STAG1: variants seen among roughly 807,000 people sequenced by gnomAD.
The protein encoded by STAG1 is STAG1 cohesin complex component.
In STAG1, 26 loss-of-function variants were observed where a neutral mutation model predicts 170.9. The observed-to-expected ratio is 0.15, with a 90% CI of 0.11 to 0.21. The LOEUF (loss-of-function observed/expected upper bound fraction) is 0.21, where lower values mean the gene tolerates loss of function less well. STAG1 is among the 10% of genes least tolerant of loss of function. The probability of loss-of-function intolerance (pLI) is 1.00; values close to 1 mark genes in which losing one functional copy is unlikely to be tolerated. For synonymous variants in STAG1, 514 were observed against 497.7 expected (o/e 1.03, Z -0.44); for missense variants, 964 against 1,509.5 (o/e 0.64, Z 5.99).
At chr3:136,391,446 G>C (rs1351168050) in intron 22 of STAG1, among the ~76,000 whole-genome samples, 1 of 144,338 alleles carries the variant, frequency 6.9e-6, no homozygotes, top group Non-Finnish European at 1.5e-5. Context: ...GCATAATCTT[G>C]GCTCACTGCA....
intron 1 of STAG1, among the ~76,000 whole-genome samples, chr3:136,730,594 G>A (rs1043575233): frequency 6.6e-6 from 1 of 152,192 alleles, no homozygotes; most frequent in African/African-American, 2.4e-5. Flanking sequence ...ATTATAATCA[G>A]AACTATATAT....
At chr3:136,339,617 C>T (rs1329475340) in intron 32 of STAG1, among the ~76,000 whole-genome samples, 3 of 152,178 alleles carry the variant, frequency 2.0e-5, no homozygotes, top group Admixed American at 1.3e-4. Flanking sequence ...TGATTAATTT[C>T]TATGTACCCA....
intron 1 of STAG1, among the ~76,000 whole-genome samples, chr3:136,701,463 C>G (rs1224823613): frequency 6.6e-6 from 1 of 152,002 alleles, no homozygotes; most frequent in African/African-American, 2.4e-5. Context: ...AGTGCTTACC[C>G]TACACATTTT....
chr3:136,687,264 A>C (rs961858072), intron 1 of STAG1, among the ~76,000 whole-genome samples: 1 of 152,194 alleles, frequency 6.6e-6, no homozygotes, highest in Non-Finnish European at 1.5e-5. Context: ...GTGTGTATTC[A>C]TAGTTACTTG....
At chr3:136,467,259 G>C (rs911698054) in intron 12 of STAG1, among the ~76,000 whole-genome samples, 2 of 152,030 alleles carry the variant, frequency 1.3e-5, no homozygotes, top group African/African-American at 4.8e-5. Flanking sequence ...GTATTCAGGA[G>C]ACCCATCTCA....
chr3:136,338,982 T>A (rs911690179), intron 32 of STAG1, among the ~76,000 whole-genome samples: 1 of 152,160 alleles, frequency 6.6e-6, no homozygotes, highest in African/African-American at 2.4e-5. Context: ...AAAATGTGCA[T>A]GATGCTGAAG....
intron 13 of STAG1, among the ~76,000 whole-genome samples, chr3:136,464,468 GA>G (rs981584619): frequency 1.7e-4 from 26 of 151,170 alleles, no homozygotes; most frequent in Admixed American, 5.3e-4. Flanking sequence ...TGGAAAGAAT[GA>G]AAAAAAATGA....
At chr3:136,526,468 T>G (rs1219712264) in intron 6 of STAG1, among the ~76,000 whole-genome samples, 1 of 152,226 alleles carries the variant, frequency 6.6e-6, no homozygotes, top group Admixed American at 6.5e-5. Context: ...CTCCATCCCT[T>G]TATTTTGAGC....
At chr3:136,372,612 G>A (rs1000396387) in intron 23 of STAG1, among the ~76,000 whole-genome samples, 2 of 152,078 alleles carry the variant, frequency 1.3e-5, no homozygotes, top group Non-Finnish European at 2.9e-5. Context: ...TAATCATGTC[G>A]TTTTTGTCTT....
At chr3:136,389,637 G>A (rs766783321) in intron 22 of STAG1, among the ~76,000 whole-genome samples, 16 of 150,796 alleles carry the variant, frequency 1.1e-4, no homozygotes, top group Non-Finnish European at 1.9e-4. Flanking sequence ...CTCCTGCCTC[G>A]GCCTTCTGAG....
intron 10 of STAG1, among the ~76,000 whole-genome samples, chr3:136,477,005 G>C (rs2089769214): frequency 6.6e-6 from 1 of 151,948 alleles, no homozygotes. Context: ...TTCTGAATTA[G>C]AAAAAGAATA....
At chr3:136,352,670 A>G (rs1346221432) in intron 28 of STAG1, among the ~76,000 whole-genome samples, 1 of 152,166 alleles carries the variant, frequency 6.6e-6, no homozygotes, top group African/African-American at 2.4e-5. Context: ...TTTAATGGTG[A>G]GTACCTATAC....
At chr3:136,623,291 T>G (rs770756744) in intron 2 of STAG1, 43 bp from the exon 3 acceptor site, 1 of 1,565,372 alleles carries the variant, frequency 6.4e-7, no homozygotes, top group East Asian at 2.3e-5. Context: ...TTAATAAGTA[T>G]AATGCATTTC....
chr3:136,445,857 C>T (rs188507586), intron 14 of STAG1, among the ~76,000 whole-genome samples: 2 of 152,142 alleles, frequency 1.3e-5, no homozygotes, highest in African/African-American at 4.8e-5. Context: ...CTTTATCCAG[C>T]CTATTATTTA....
intron 1 of STAG1, among the ~76,000 whole-genome samples, chr3:136,704,821 CAAAAAA>C (rs67207510): frequency 1.9e-5 from 1 of 51,424 alleles, no homozygotes; most frequent in Non-Finnish European, 3.6e-5. Flanking sequence ...GTCCCTGTCT[CAAAAAA>C]AAAAAAAAAA....
chr3:136,457,218 C>A (rs529702434), intron 13 of STAG1, among the ~76,000 whole-genome samples: 1 of 152,226 alleles, frequency 6.6e-6, no homozygotes, highest in Admixed American at 6.5e-5. Flanking sequence ...GCATAAAACC[C>A]CTCGTAGCTT....
In STAG1 at chr3:136,521,299, T is replaced by C. The variant is rs1934658414; in HGVS notation, c.590A>G (p.Glu197Gly). Residue 197 changes from glutamate to glycine, a missense_variant, in exon 7 of 34, where the codon GAG becomes GGG. Physicochemically the swap from Glu to Gly is moderately conservative, Grantham distance 98. This residue lies in a region of STAG1 where 40 missense variants were observed against 44.1 expected (regional missense o/e 0.91). Coordinates refer to ENST00000383202, the MANE Select transcript of STAG1 (RefSeq NM_005862.3). Reference sequence around the variant, plus strand: ...GGAGATTACTGTGTCCATCATATACTCATCATAAATTATGCTATACTGACA... The same window carrying C: ...GGAGATTACTGTGTCCATCATATACCCATCATAAATTATGCTATACTGACA... The part of the protein sequence containing the change: ...RQCQYSIIYD[E>G]YMMDTVISLL... The C allele has an allele frequency of 6.2e-7, 1 of 1,613,688 alleles. No individual in the cohort carries two copies.
At chr3:136,604,081 G>A (rs1938817606) in intron 4 of STAG1, among the ~76,000 whole-genome samples, 1 of 151,236 alleles carries the variant, frequency 6.6e-6, no homozygotes, top group African/African-American at 2.5e-5. Context: ...GCAGCTTCTA[G>A]TAGACCTTTT....
At chr3:136,739,954 T>C (rs919973904) in intron 1 of STAG1, among the ~76,000 whole-genome samples, 2 of 152,128 alleles carry the variant, frequency 1.3e-5, no homozygotes, top group Non-Finnish European at 2.9e-5. Flanking sequence ...TGCAACGGGA[T>C]AGATACAGAG....
Sources: gnomAD v4.1 joint callset for allele counts (sites outside exome capture counted in the v4.1 genomes callset) on GRCh38, gnomAD v4.1.1 for gene constraint, gnomAD v4.1.1 regional missense constraint, MANE v1.5 for transcripts, NCBI Gene and HGNC (gene_info 2026-07-23, HGNC 2026-07-21) for gene names.